PPP1R13L: variants seen among roughly 807,000 people sequenced by gnomAD.
PPP1R13L encodes relA-associated inhibitor.
A neutral mutation model predicts 80.9 loss-of-function variants in PPP1R13L; 50 were observed. The ratio of observed to expected loss-of-function variants is 0.62; its 90% confidence interval spans 0.49 to 0.78. PPP1R13L has a LOEUF of 0.78. Among genes scored for constraint, PPP1R13L ranks in the 30% least tolerant of loss-of-function variants. The probability of loss-of-function intolerance (pLI) is 0.00; values close to 1 mark genes in which losing one functional copy is unlikely to be tolerated. For synonymous variants in PPP1R13L, 602 were observed against 534.3 expected (o/e 1.13, Z -1.75); for missense variants, 1,200 against 1,205.9 (o/e 1.00, Z 0.07).
In PPP1R13L at chr19:45,385,717, TG is replaced by T; in HGVS notation, c.2092del (p.His698ThrfsTer60). 6.2e-7 allele frequency: 1 copy of T among 1,610,786 alleles called. No homozygotes were observed. Among genetic ancestry groups the T allele is most frequent in the Non-Finnish European group, 8.5e-7 (1 of 1,178,422 alleles). On this transcript the variant is annotated frameshift_variant, in exon 11 of 13. Transcript: ENST00000360957. LOFTEE classifies it high-confidence loss of function. ...TGTGTCGTTGCACGACGCCGCGCAGTGCAAGGGTGTCCTAGGCGTGGGGGTG... is the reference window on the plus strand; with the variant it reads ...TGTGTCGTTGCACGACGCCGCGCAGTCAAGGGTGTCCTAGGCGTGGGGGTG... ...SPDSHGWTPL[H>X]CAASCNDTVI...
At position 45,394,002 on chromosome 19, in the gene PPP1R13L, G is replaced by A. The variant is rs34564367; in HGVS notation, c.1354+1434C>T. Among the ~76,000 whole-genome samples, 1,453 of 152,144 alleles carry A rather than the reference G, an allele frequency of 9.6e-3. 25 individuals are homozygous for A. Among genetic ancestry groups the A allele is most frequent in the African/African-American group, 0.033 (1,376 of 41,500 alleles). On this transcript the variant is annotated intron_variant, in intron 7 of 12. Transcript: ENST00000360957. ...ATATTATTAATCTCTCTTCACAGAC[G>A]GGAAACAGAGTTTCGGACAAGTAAT...
At position 45,379,977 on chromosome 19, in the gene PPP1R13L, TC is replaced by T; in HGVS notation, c.*212del. On this transcript the variant is annotated 3_prime_UTR_variant, in exon 13 of 13. Coordinates refer to ENST00000360957, the MANE Select transcript of PPP1R13L (RefSeq NM_006663.4). Reference sequence around the variant, plus strand: ...CCTGTCCCCAGTGATTTCCAGCCCTTCCCAGACCTCCCAAGGCTAAGGCAGA... The same window carrying T: ...CCTGTCCCCAGTGATTTCCAGCCCTTCCAGACCTCCCAAGGCTAAGGCAGA... 2.0e-6 allele frequency: 1 copy of T among 503,222 alleles called. No individual in the cohort carries two copies. Among genetic ancestry groups the T allele is most frequent in the Non-Finnish European group, 3.5e-6 (1 of 286,068 alleles). 31.2% of individuals were successfully genotyped at this position (503,222 alleles called of 1,614,324 possible). A position where few individuals can be genotyped will look rare whatever the true frequency, so the allele number is the denominator to read the frequency against.
chr19:45,380,222 G>T lies in PPP1R13L; in HGVS notation c.2455C>A (p.Pro819Thr). 1 of 1,613,930 alleles carries T rather than the reference G, an allele frequency of 6.2e-7. No individual in the cohort carries two copies. Among genetic ancestry groups the T allele is most frequent in the Non-Finnish European group, 8.5e-7 (1 of 1,179,982 alleles). The change falls in exon 13 of 13, where the codon CCC becomes ACC. Residue 819 changes from proline (P) to threonine (T), a missense_variant. This residue lies in a region of PPP1R13L where 165 missense variants were observed against 177.1 expected (regional missense o/e 0.93). Transcript: ENST00000360957. ...YVPRNYFGLF[P>T]RVKPQRSKV ...TTACTCCTTTGAGGCTTCACCCTGG[G>T]GAACAGCTGGGGAGAGACAGGATCT...
intron 11 of PPP1R13L, among the ~76,000 whole-genome samples, chr19:45,383,749 CTTTCTTTTCT>C (rs530369634): frequency 1.1e-3 from 166 of 152,054 alleles, no homozygotes; most frequent in Admixed American, 3.2e-3. Flanking sequence ...TCATCTGCCT[CTTTCTTTTCT>C]TTTCTTTTCT....
rs1972845580 is a variant in PPP1R13L at position 45,385,447 on chromosome 19, G to A, written c.2248+115C>T. On this transcript the variant is annotated intron_variant, in intron 11 of 12. Transcript: ENST00000360957. ...CCTCATCCTCCTCCTCGGCAATCCT[G>A]CCAAGTGGTTGGTACAGCCCCCATA... 32 of 1,242,786 alleles carry A rather than the reference G, an allele frequency of 2.6e-5. No homozygotes were observed. The South Asian group carries it at 4.4e-4, about 17-fold the overall frequency. The allele number at this position is 1,242,786 out of a possible 1,614,324, so 77.0% of individuals were successfully genotyped here. A position where few individuals can be genotyped will look rare whatever the true frequency, so the allele number is the denominator to read the frequency against.
At chr19:45,382,849 G>T (rs1389684607) in intron 11 of PPP1R13L, 123 bp from the exon 12 acceptor site, 4 of 857,600 alleles carry the variant, frequency 4.7e-6, no homozygotes, top group Admixed American at 2.3e-5. Flanking sequence ...CTGAAATGTT[G>T]TGTGTGCCCA....
At chr19:45,380,300 T>C in intron 12 of PPP1R13L, 72 bp from the exon 13 acceptor site, 2 of 1,568,030 alleles carry the variant, frequency 1.3e-6, no homozygotes, top group Non-Finnish European at 1.8e-6. Flanking sequence ...CCGCTGCCTG[T>C]CTCTATCCTC....
At chr19:45,401,184 T>C (rs1973225401) in intron 1 of PPP1R13L, among the ~76,000 whole-genome samples, 1 of 151,228 alleles carries the variant, frequency 6.6e-6, no homozygotes, top group South Asian at 2.1e-4. Context: ...AAACCCTGTC[T>C]CTACTAAAAA....
At chr19:45,381,658 C>G (rs1478952551) in intron 12 of PPP1R13L, among the ~76,000 whole-genome samples, 1 of 151,728 alleles carries the variant, frequency 6.6e-6, no homozygotes. Context: ...CAGCCAGGTG[C>G]GGTGGCACAT....
chr19:45,395,458 C>T lies in PPP1R13L; in HGVS notation c.1332G>A (p.Gln444=), dbSNP rs761751036. The change falls in exon 7 of 13, where the codon CAG becomes CAA. Residue 444 remains glutamine (Q), a synonymous_variant. Transcript: ENST00000360957. ...TPTPAPQHPQ[Q]TWPPVNEGPP... is the part of the protein sequence containing the mutation. ...CACCTTCGTTCACAGGGGGCCATGT[C>T]TGTTGGGGATGCTGGGGGGCTGGGG... The T allele has an allele frequency of 9.0e-7, 1 of 1,110,122 alleles. No homozygotes were observed. The highest frequency in any genetic ancestry group is 1.3e-5 in the South Asian group (1 of 75,002). The allele number at this position is 1,110,122 out of a possible 1,614,324, so 68.8% of individuals were successfully genotyped here. A position where few individuals can be genotyped will look rare whatever the true frequency, so the allele number is the denominator to read the frequency against.
At chr19:45,388,149 C>T (rs1972905330) in intron 8 of PPP1R13L, among the ~76,000 whole-genome samples, 1 of 151,106 alleles carries the variant, frequency 6.6e-6, no homozygotes, top group Admixed American at 6.6e-5. Flanking sequence ...GCCTGGGTGA[C>T]AGAGTGAGAC....
chr19:45,399,019 C>G (rs1280027264), intron 1 of PPP1R13L, among the ~76,000 whole-genome samples: 3 of 152,044 alleles, frequency 2.0e-5, no homozygotes, highest in Non-Finnish European at 4.4e-5. Flanking sequence ...TCTCGGCTCA[C>G]TGCAAGCTCC....
At chr19:45,392,542 G>A (rs993512591) in intron 7 of PPP1R13L, 1 of 683,952 alleles carries the variant, frequency 1.5e-6, no homozygotes, top group East Asian at 2.7e-5. Flanking sequence ...CAGTTAGTAT[G>A]TGCCTGGCGC....
At chr19:45,395,135 G>A (rs578002364) in intron 7 of PPP1R13L, 20 of 365,318 alleles carry the variant, frequency 5.5e-5, no homozygotes, top group Non-Finnish European at 8.0e-5. Flanking sequence ...ATGAGCCACC[G>A]TGCCCGGCCC....
At chr19:45,388,441 G>T (rs749974340) in intron 8 of PPP1R13L, among the ~76,000 whole-genome samples, 3 of 151,898 alleles carry the variant, frequency 2.0e-5, no homozygotes, top group African/African-American at 4.8e-5. Context: ...TGGGAGTGGT[G>T]GTGCATGCCT....
Position 45,396,375 on chromosome 19 carries a change from C to A in PPP1R13L, c.774G>T (p.Ala258=), listed in dbSNP as rs1382384630. Residue 258 remains alanine (A), a synonymous_variant, in exon 5 of 13, where the codon GCG becomes GCT. Coordinates refer to ENST00000360957, the MANE Select transcript of PPP1R13L (RefSeq NM_006663.4). This position sits in a 1 kb window ranked among gnomAD's most constrained non-coding sequence, Gnocchi z 5.3. The part of the protein sequence containing the change: ...KAWNESDLDV[A]YEKKPSQTAS... ...CTGTCTGCGAAGGCTTCTTCTCGTA[C>A]GCCACGTCCAGGTCAGACTCGTTCC... 6.2e-7 allele frequency: 1 copy of A among 1,614,168 alleles called. No individual in the cohort carries two copies. The highest frequency in any genetic ancestry group is 1.1e-5 in the South Asian group (1 of 91,086).
In PPP1R13L at chr19:45,392,216, C is replaced by T. The variant is rs375274155; in HGVS notation, c.1479G>A (p.Leu493=). Residue 493 remains leucine (L), a synonymous_variant, in exon 8 of 13, where the codon CTG becomes CTA. Transcript: ENST00000360957. ...PVARPLSPTR[L]QPALPPEAQS... ...GTGCCTCCGGTGGCAGTGCTGGCTG[C>T]AGCCTCGTGGGGCTGAGAGGCCTTG... The T allele has an allele frequency of 2.4e-4, 387 of 1,611,702 alleles. No homozygotes were observed. Among genetic ancestry groups the T allele is most frequent in the Non-Finnish European group, 3.1e-4 (370 of 1,178,788 alleles).
chr19:45,384,223 T>C (rs967384786), intron 11 of PPP1R13L, among the ~76,000 whole-genome samples: 1 of 151,760 alleles, frequency 6.6e-6, no homozygotes, highest in Non-Finnish European at 1.5e-5. Flanking sequence ...TTTATGTTAT[T>C]ATTAAATATT....
intron 1 of PPP1R13L, among the ~76,000 whole-genome samples, chr19:45,401,018 C>T (rs1321193503): frequency 2.7e-5 from 1 of 37,556 alleles, no homozygotes; most frequent in Non-Finnish European, 3.9e-5. Context: ...CCTCATGATC[C>T]GCCCGCCTCG....
Sources: allele counts gnomAD v4.1 joint callset (sites outside exome capture counted in the v4.1 genomes callset), GRCh38; gene constraint gnomAD v4.1.1; regional missense constraint gnomAD v4.1.1; non-coding constraint Gnocchi (gnomAD v3.1); transcripts MANE v1.5; gene names NCBI Gene and HGNC (gene_info 2026-07-23, HGNC 2026-07-21).